VRK2: variants seen among roughly 807,000 people sequenced by gnomAD.
VRK2 encodes the protein VRK serine/threonine kinase 2, also known as serine/threonine-protein kinase VRK2.
VRK2 carries 60 observed loss-of-function variants against 57.6 expected under a neutral mutation model. The ratio of observed to expected loss-of-function variants is 1.04; its 90% confidence interval spans 0.85 to 1.29. The LOEUF (loss-of-function observed/expected upper bound fraction) is 1.29, where lower values mean the gene tolerates loss of function less well. Ranked by LOEUF, VRK2 falls within the 50% of genes most tolerant of loss-of-function variation. The pLI, the probability that VRK2 is intolerant of heterozygous loss-of-function variation, is 0.00. For missense variants in VRK2, 705 were observed against 588.1 expected, an observed-to-expected ratio of 1.20 and a Z score of -2.06; for synonymous variants, 231 against 199.2, an observed-to-expected ratio of 1.16 and a Z score of -1.35.
chr2:58,104,165 C>A (rs1269606022), intron 7 of VRK2, among the ~76,000 whole-genome samples: 2 of 151,648 alleles, frequency 1.3e-5, no homozygotes, highest in African/African-American at 4.8e-5. Flanking sequence ...ACAAGAATGC[C>A]CACTTTTACC....
At chr2:57,964,305 G>T (rs956185042) in intron 1 of VRK2, among the ~76,000 whole-genome samples, 1 of 152,128 alleles carries the variant, frequency 6.6e-6, no homozygotes, top group African/African-American at 2.4e-5. Flanking sequence ...AAATCAAAAG[G>T]TAGAGAAAAT....
intron 2 of VRK2, among the ~76,000 whole-genome samples, chr2:58,052,801 C>G (rs201848627): frequency 6.6e-6 from 1 of 152,068 alleles, no homozygotes; most frequent in East Asian, 1.9e-4. Context: ...CTAAAATTTG[C>G]TATAGTAGTG....
intron 1 of VRK2, among the ~76,000 whole-genome samples, chr2:57,965,414 G>A (rs1003610866): frequency 9.2e-5 from 14 of 152,192 alleles, no homozygotes; most frequent in African/African-American, 2.9e-4. Flanking sequence ...TTGAAAGTTG[G>A]CAATGTGCCA....
chr2:57,910,686 C>T (rs1256692562), intron 1 of VRK2, among the ~76,000 whole-genome samples: 1 of 151,968 alleles, frequency 6.6e-6, no homozygotes, highest in Non-Finnish European at 1.5e-5. Flanking sequence ...TGTTTGTTAC[C>T]CAACCCAACA....
chr2:58,062,210 A>C (rs1231593538), intron 2 of VRK2, among the ~76,000 whole-genome samples: 1 of 152,024 alleles, frequency 6.6e-6, no homozygotes, highest in Admixed American at 6.6e-5. Flanking sequence ...TTGAGGAATC[A>C]TGAACTGCAC....
chr2:58,060,654 C>T (rs959068192), intron 2 of VRK2, among the ~76,000 whole-genome samples: 1 of 151,682 alleles, frequency 6.6e-6, no homozygotes. Flanking sequence ...AAATAAAGAC[C>T]ATAATGAAAA....
intron 1 of VRK2, among the ~76,000 whole-genome samples, chr2:57,970,193 T>A (rs1427668566): frequency 6.7e-6 from 1 of 148,366 alleles, no homozygotes; most frequent in Admixed American, 6.8e-5. Flanking sequence ...AATATAACAT[T>A]ATTAATATTT....
chr2:58,033,394 A>G (rs1204357071), exon 3 of VRK2: 2 of 152,064 alleles, frequency 1.3e-5, no homozygotes, highest in Non-Finnish European at 2.9e-5. Context: ...GGAAGAAGTT[A>G]TAACATTGGC....
chr2:57,923,845 G>A (rs1489541403), intron 1 of VRK2, among the ~76,000 whole-genome samples: 1 of 151,840 alleles, frequency 6.6e-6, no homozygotes, highest in Non-Finnish European at 1.5e-5. Flanking sequence ...CCCTTTAGTA[G>A]TTTCAGTTTC....
chr2:57,918,178 G>A (rs182174627), intron 1 of VRK2, among the ~76,000 whole-genome samples: 1 of 152,192 alleles, frequency 6.6e-6, no homozygotes, highest in Admixed American at 6.5e-5. Flanking sequence ...AAATGGTGCA[G>A]TATGTTAAGC....
At chr2:57,947,641 A>G (rs936350652) in intron 1 of VRK2, among the ~76,000 whole-genome samples, 4 of 152,198 alleles carry the variant, frequency 2.6e-5, no homozygotes, top group Non-Finnish European at 5.9e-5. Flanking sequence ...TTAGTTCAAC[A>G]CAGCTCCTAC....
intron 2 of VRK2, among the ~76,000 whole-genome samples, chr2:58,050,107 A>T (rs540665332): frequency 6.6e-6 from 1 of 152,336 alleles, no homozygotes; most frequent in East Asian, 1.9e-4. Context: ...GAAATGTAAT[A>T]CAAGTTACAT....
chr2:58,109,611 C>A (rs1055744214), intron 7 of VRK2, among the ~76,000 whole-genome samples: 3 of 152,096 alleles, frequency 2.0e-5, no homozygotes, highest in African/African-American at 7.2e-5. Context: ...GGTGAAAAGC[C>A]CCTTATAAAA....
chr2:58,103,242 A>G (rs1177191274), intron 7 of VRK2, among the ~76,000 whole-genome samples: 1 of 151,532 alleles, frequency 6.6e-6, no homozygotes, highest in Non-Finnish European at 1.5e-5. Flanking sequence ...AGCAGGACTA[A>G]GTGAAATTGA....
At chr2:58,127,707 C>A (rs918413249) in intron 8 of VRK2, among the ~76,000 whole-genome samples, 1 of 152,138 alleles carries the variant, frequency 6.6e-6, no homozygotes, top group Admixed American at 6.5e-5. Flanking sequence ...TTTCTGCTTT[C>A]TTATTGTCTT....
chr2:58,091,783 TC>T (rs1251247506), intron 7 of VRK2, among the ~76,000 whole-genome samples: 1 of 152,014 alleles, frequency 6.6e-6, no homozygotes, highest in African/African-American at 2.4e-5. Context: ...AATATGACTG[TC>T]CTAGAAACAG....
chr2:58,025,349 A>G (rs527643210), intron 1 of VRK2, among the ~76,000 whole-genome samples: 2 of 152,216 alleles, frequency 1.3e-5, no homozygotes, highest in South Asian at 2.1e-4. Flanking sequence ...TTATGTGGTA[A>G]GCCATTACTA....
chr2:58,116,358 A>G lies in VRK2; in HGVS notation c.544-6743A>G, dbSNP rs375002605. On this transcript the variant is annotated intron_variant, in intron 7 of 12. Transcript: ENST00000340157. ...ATGCGGCTATAGTCCGGGAATAGTCAGGGAAGCAGATAATTTGGTTAAAAT... is the reference window on the plus strand; with the variant it reads ...ATGCGGCTATAGTCCGGGAATAGTCGGGGAAGCAGATAATTTGGTTAAAAT... Among the ~76,000 whole-genome samples, 26 of 150,154 alleles carry G rather than the reference A, an allele frequency of 1.7e-4. No homozygotes were observed. In the East Asian group the frequency reaches 4.1e-3, roughly 23 times the overall value.
At chr2:57,915,893 G>A (rs966580007) in intron 1 of VRK2, among the ~76,000 whole-genome samples, 2 of 152,086 alleles carry the variant, frequency 1.3e-5, no homozygotes, top group African/African-American at 4.8e-5. Flanking sequence ...AACCCTGCTT[G>A]TGAACTGTGC....
Sources: gnomAD v4.1 joint callset for allele counts (sites outside exome capture counted in the v4.1 genomes callset) on GRCh38, gnomAD v4.1.1 for gene constraint, MANE v1.5 for transcripts, NCBI Gene and HGNC (gene_info 2026-07-23, HGNC 2026-07-21) for gene names.